The following MGA variants were observed in gnomAD, a reference collection of about 807,000 sequenced individuals.
MGA encodes MAX gene-associated protein.
In MGA, 40 loss-of-function variants were observed where a neutral mutation model predicts 261.1. The ratio of observed to expected loss-of-function variants is 0.15; its 90% CI spans 0.12 to 0.20. The LOEUF (loss-of-function observed/expected upper bound fraction) is 0.20, where lower values mean the gene tolerates loss of function less well. Ranked by LOEUF, MGA falls within the 10% of genes least tolerant of loss-of-function variation. The pLI, the probability that MGA is intolerant of heterozygous loss-of-function variation, is 1.00. For missense variants in MGA, 3,397 were observed against 3,630.5 expected (o/e 0.94, Z 1.65); for synonymous variants, 1,302 against 1,290.6 (o/e 1.01, Z -0.19).
intron 6 of MGA, 91 bp from the exon 7 acceptor site, chr15:41,708,013 C>A: frequency 7.3e-7 from 1 of 1,366,750 alleles, no homozygotes; most frequent in Admixed American, 2.5e-5. Flanking sequence ...GTGATTTATA[C>A]ACTTACCAAA....
At position 41,749,823 on chromosome 15, in the gene MGA, G is replaced by A. The variant is rs61757236; in HGVS notation, c.6216G>A (p.Arg2072=). The A allele has an allele frequency of 1.1e-3, 1,821 of 1,613,914 alleles. 16 individuals carry two copies. The African/African-American group carries it at 0.015, about 13-fold the overall frequency. Residue 2072 remains arginine (R), a synonymous_variant, in exon 17 of 24, where the codon AGG becomes AGA. Transcript: ENST00000219905. ...ATGTTAATGAAGAATATGGGGCTAG[G>A]AATCGTAAGAGTTCCAAAGAAAAAG...
chr15:41,704,762 AT>A (rs775072675), intron 5 of MGA, among the ~76,000 whole-genome samples: 5 of 152,252 alleles, frequency 3.3e-5, no homozygotes, highest in Non-Finnish European at 5.9e-5. Flanking sequence ...TTATAGAACT[AT>A]AAACATCTTG....
At chr15:41,676,214 G>T (rs989691112) in intron 2 of MGA, among the ~76,000 whole-genome samples, 2 of 151,792 alleles carry the variant, frequency 1.3e-5, no homozygotes, top group Middle Eastern at 6.8e-3. Flanking sequence ...ACGAAGTCTC[G>T]CACTGTTGTG....
intron 18 of MGA, among the ~76,000 whole-genome samples, chr15:41,755,692 C>T (rs781523166): frequency 6.6e-6 from 1 of 152,178 alleles, no homozygotes; most frequent in Non-Finnish European, 1.5e-5. Flanking sequence ...ACACACAGCA[C>T]AAACACTGTA....
At chr15:41,680,962 A>C (rs1285771637) in intron 2 of MGA, among the ~76,000 whole-genome samples, 1 of 152,086 alleles carries the variant, frequency 6.6e-6, no homozygotes, top group Non-Finnish European at 1.5e-5. Flanking sequence ...TCCTGGATCT[A>C]TTTAGGGGGT....
At chr15:41,739,864 G>C in intron 13 of MGA, 42 bp from the exon 14 acceptor site, 2 of 1,585,458 alleles carry the variant, frequency 1.3e-6, no homozygotes, top group Non-Finnish European at 1.7e-6. Context: ...GTTAGCAAGA[G>C]AATTTTATCT....
chr15:41,762,973 C>T (rs1281918642), intron 22 of MGA, among the ~76,000 whole-genome samples: 2 of 151,578 alleles, frequency 1.3e-5, no homozygotes, highest in Non-Finnish European at 2.9e-5. Flanking sequence ...TACTTGACTT[C>T]GTGATTTCCC....
chr15:41,664,978 G>A (rs1480978250), intron 1 of MGA, among the ~76,000 whole-genome samples: 1 of 152,070 alleles, frequency 6.6e-6, no homozygotes, highest in Non-Finnish European at 1.5e-5. Flanking sequence ...TGTTGTTGTT[G>A]TTCCTGACCT....
At chr15:41,624,038 T>A (rs924801295) in intron 1 of MGA, among the ~76,000 whole-genome samples, 1 of 151,452 alleles carries the variant, frequency 6.6e-6, no homozygotes. Flanking sequence ...AGTGCTAGGA[T>A]TATAGGCGTG....
At chr15:41,741,754 C>T (rs1253547830) in intron 14 of MGA, among the ~76,000 whole-genome samples, 1 of 152,076 alleles carries the variant, frequency 6.6e-6, no homozygotes, top group African/African-American at 2.4e-5. Context: ...CTCTGTCTCC[C>T]AGGCTGGAGT....
chr15:41,692,290 C>G (rs545264731), intron 2 of MGA, among the ~76,000 whole-genome samples: 13 of 152,288 alleles, frequency 8.5e-5, no homozygotes, highest in African/African-American at 3.1e-4. Context: ...ATTTCCAGGC[C>G]AGCCTTTCTG....
At chr15:41,723,174 T>G (rs1320639175) in intron 9 of MGA, among the ~76,000 whole-genome samples, 2 of 152,074 alleles carry the variant, frequency 1.3e-5, no homozygotes, top group Admixed American at 6.6e-5. Context: ...GTGTTGTTCT[T>G]TTTTTTTCCT....
chr15:41,740,202 T>A lies in MGA; in HGVS notation c.4584T>A (p.Ile1528=). 6.2e-7 allele frequency: 1 copy of A among 1,613,626 alleles called. No individual in the cohort carries two copies. Among genetic ancestry groups the A allele is most frequent in the Non-Finnish European group, 8.5e-7 (1 of 1,179,682 alleles). ...CGTTTGTCCCAGCAAAACGGCCAAT[T>A]GGTAAGTTGGGGTGTATGTATGGTT... Residue 1528 remains isoleucine, a splice_region_variant and synonymous_variant, in exon 14 of 24, where the codon ATT becomes ATA. Coordinates refer to ENST00000219905, the MANE Select transcript of MGA (RefSeq NM_001164273.2).
At chr15:41,622,112 G>C (rs1467089941) in intron 1 of MGA, among the ~76,000 whole-genome samples, 1 of 152,088 alleles carries the variant, frequency 6.6e-6, no homozygotes, top group African/African-American at 2.4e-5. Context: ...TCTTTGCTGC[G>C]GTCGGATTGC....
Position 41,687,511 on chromosome 15 carries a change from A to G in MGA, c.1065-8564A>G, listed in dbSNP as rs182215038. Among the ~76,000 whole-genome samples the G allele has an allele frequency of 1.4e-4, 21 of 152,324 alleles. No individual in the cohort carries two copies. In the East Asian group the frequency reaches 3.1e-3, roughly 22 times the overall value. On this transcript the variant is annotated intron_variant, in intron 2 of 23. Transcript: ENST00000219905. ...AAATTTTTACTGTTTAGCCCTTTAC[A>G]GAAAAAAATGATCAACTCCTGTCTT...
intron 13 of MGA, 130 bp from the exon 14 acceptor site, chr15:41,739,776 T>C (rs1237041317): frequency 2.4e-6 from 2 of 844,582 alleles, no homozygotes; most frequent in Non-Finnish European, 3.5e-6. Flanking sequence ...GGAAAAAGTC[T>C]ACTTCTTTTT....
intron 2 of MGA, among the ~76,000 whole-genome samples, chr15:41,671,315 C>T (rs1281164529): frequency 6.6e-6 from 1 of 152,120 alleles, no homozygotes; most frequent in Non-Finnish European, 1.5e-5. Context: ...TTTGAACTTG[C>T]CTTATTTTTG....
chr15:41,708,198 T>G lies in MGA; in HGVS notation c.2415T>G (p.Ser805=), dbSNP rs557310732. The change falls in exon 7 of 24, where the codon TCT becomes TCG. Residue 805 remains serine, a synonymous_variant. Coordinates refer to ENST00000219905, the MANE Select transcript of MGA (RefSeq NM_001164273.2). ...GAAAATTTCATAGTGCTTCTGCATC[T>G]AGGAATGAAGGTAATTAGTTTTTTA... is the stretch of plus-strand genomic sequence containing the variant. 3.3e-5 allele frequency: 52 copies of G among 1,585,000 alleles called. No individual in the cohort carries two copies. In the Middle Eastern group the frequency reaches 5.1e-4, roughly 15 times the overall value.
chr15:41,701,173 CT>C (rs535143628), intron 5 of MGA, among the ~76,000 whole-genome samples: 69 of 152,210 alleles, frequency 4.5e-4, no homozygotes, highest in African/African-American at 1.1e-3. Context: ...TTCTCCCTAT[CT>C]TTTTTTCTCC....
Sources: gnomAD v4.1 joint callset for allele counts (sites outside exome capture counted in the v4.1 genomes callset) on GRCh38, gnomAD v4.1.1 for gene constraint, MANE v1.5 for transcripts, NCBI Gene and HGNC (gene_info 2026-07-23, HGNC 2026-07-21) for gene names.